The following COMMD1 variants were observed in gnomAD, a reference collection of about 807,000 sequenced individuals.
The protein encoded by COMMD1 is COMM domain-containing protein 1.
In COMMD1, 10 loss-of-function variants were observed where a neutral mutation model predicts 17.2. The observed-to-expected ratio is 0.58, with a 90% CI of 0.36 to 0.99. The LOEUF (loss-of-function observed/expected upper bound fraction) is 0.99. Among genes scored for constraint, COMMD1 ranks in the 50% least tolerant of loss-of-function variants. The pLI is 0.01. For missense variants in COMMD1, 270 were observed against 231.8 expected, an observed-to-expected ratio of 1.17 and a Z score of -1.07; for synonymous variants, 97 against 91.6, an observed-to-expected ratio of 1.06 and a Z score of -0.34.
At chr2:61,905,608 C>T, upstream of COMMD1, 1 of 1,424,756 alleles carries the variant, frequency 7.0e-7, no homozygotes, top group Non-Finnish European at 9.3e-7. Context: ...TTTGCACAGG[C>T]TATTTAGGCA....
At chr2:62,006,700 C>T (rs908899208) in intron 2 of COMMD1, among the ~76,000 whole-genome samples, 5 of 152,178 alleles carry the variant, frequency 3.3e-5, no homozygotes, top group Admixed American at 1.3e-4. Flanking sequence ...CCATAAATCA[C>T]TGTGAGATCT....
chr2:62,019,373 C>A (rs992662482), intron 2 of COMMD1, among the ~76,000 whole-genome samples: 1 of 152,016 alleles, frequency 6.6e-6, no homozygotes, highest in South Asian at 2.1e-4. Flanking sequence ...TGGGGTTTCA[C>A]CATGTTGGCC....
intron 2 of COMMD1, among the ~76,000 whole-genome samples, chr2:62,094,613 G>T (rs1266079173): frequency 1.3e-5 from 2 of 152,086 alleles, no homozygotes; most frequent in African/African-American, 4.8e-5. Flanking sequence ...ATTCAAATTC[G>T]GAAGCAAAAA....
intron 1 of COMMD1, among the ~76,000 whole-genome samples, chr2:62,000,246 T>C (rs1668888469): frequency 6.6e-6 from 1 of 151,220 alleles, no homozygotes; most frequent in Non-Finnish European, 1.5e-5. Flanking sequence ...CTTGATGACC[T>C]TTTATTAAAA....
intron 1 of COMMD1, among the ~76,000 whole-genome samples, chr2:61,974,382 TA>T (rs1671734836): frequency 6.6e-6 from 1 of 151,628 alleles, no homozygotes; most frequent in African/African-American, 2.4e-5. Context: ...TATCTATTAA[TA>T]TTTTTTTTGG....
intron 1 of COMMD1, among the ~76,000 whole-genome samples, chr2:61,998,246 CTTTTTTTTTTTT>C (rs71410912): frequency 2.4e-5 from 3 of 126,484 alleles, no homozygotes; most frequent in Admixed American, 8.1e-5. Context: ...GTTGTGCTTT[CTTTTTTTTTTTT>C]TTTTTTTTGT....
At chr2:61,985,077 G>T (rs375276084) in intron 1 of COMMD1, among the ~76,000 whole-genome samples, 4 of 146,086 alleles carry the variant, frequency 2.7e-5, no homozygotes, top group African/African-American at 7.6e-5. Context: ...TTGAGACGGA[G>T]TCTCGCTCTG....
At chr2:61,898,416 C>T (rs1669594362) in intron 1 of COMMD1, among the ~76,000 whole-genome samples, 1 of 152,130 alleles carries the variant, frequency 6.6e-6, no homozygotes, top group African/African-American at 2.4e-5. Context: ...GTTGGGTTTG[C>T]AGTAAGCTGG....
rs11682421 is a variant in COMMD1, at chr2:61,925,608, G to A, written c.180+19750G>A. Among the ~76,000 whole-genome samples the A allele has an allele frequency of 8.7e-3, 1,319 of 152,212 alleles. 6 individuals carry two copies. Among genetic ancestry groups the A allele is most frequent in the South Asian group, 0.02 (94 of 4,812 alleles). On this transcript the variant is annotated intron_variant, in intron 1 of 2. Coordinates refer to ENST00000311832, the MANE Select transcript of COMMD1 (RefSeq NM_152516.4). ...ATAAGTGAAGTCTGCTGGCTTCACC[G>A]TGGAGCCTAGACAAGGGCTTAGAAA... is the stretch of plus-strand genomic sequence containing the variant.
At chr2:61,896,125 A>C (rs747729147) in intron 1 of COMMD1, among the ~76,000 whole-genome samples, 5 of 152,238 alleles carry the variant, frequency 3.3e-5, no homozygotes, top group Non-Finnish European at 7.3e-5. Context: ...ATGGATAACA[A>C]AGACTCAGGT....
intron 2 of COMMD1, among the ~76,000 whole-genome samples, chr2:62,002,828 G>A (rs898281250): frequency 6.6e-6 from 1 of 151,786 alleles, no homozygotes; most frequent in Non-Finnish European, 1.5e-5. Context: ...TGTACTCCAG[G>A]CTGGGTGGGA....
intron 2 of COMMD1, among the ~76,000 whole-genome samples, chr2:62,040,707 C>G (rs904880361): frequency 6.6e-6 from 1 of 151,966 alleles, no homozygotes; most frequent in Non-Finnish European, 1.5e-5. Flanking sequence ...TCTTTGCCCC[C>G]TTCCCCCCTC....
chr2:61,942,799 A>G (rs1670788731), intron 1 of COMMD1, among the ~76,000 whole-genome samples: 1 of 152,042 alleles, frequency 6.6e-6, no homozygotes, highest in Non-Finnish European at 1.5e-5. Context: ...CAGCCTCCCA[A>G]AGTGCTGGGA....
intron 1 of COMMD1, among the ~76,000 whole-genome samples, chr2:61,921,761 G>T (rs968760571): frequency 6.6e-6 from 1 of 152,072 alleles, no homozygotes; most frequent in Admixed American, 6.6e-5. Flanking sequence ...TATTATTTTG[G>T]GGGAATGGTG....
At chr2:61,904,380 G>A (rs532854935), upstream of COMMD1, among the ~76,000 whole-genome samples, 6 of 152,168 alleles carry the variant, frequency 3.9e-5, no homozygotes, top group Non-Finnish European at 5.9e-5. Context: ...TGTAGAGTGA[G>A]GAAAGAGTGT....
chr2:62,023,376 A>AG (rs1174260609), intron 2 of COMMD1, among the ~76,000 whole-genome samples: 4 of 152,186 alleles, frequency 2.6e-5, no homozygotes, highest in African/African-American at 9.7e-5. Context: ...CAAAACAAAG[A>AG]GAAAAACTGA....
intron 1 of COMMD1, among the ~76,000 whole-genome samples, chr2:61,951,483 T>G (rs1671052953): frequency 6.6e-6 from 1 of 151,936 alleles, no homozygotes; most frequent in African/African-American, 2.4e-5. Context: ...AAAATCTTTC[T>G]GCATCTTCAG....
Position 62,008,289 on chromosome 2 carries a change from G to T in COMMD1, c.462+7307G>T, listed in dbSNP as rs116816219. Among the ~76,000 whole-genome samples the T allele has an allele frequency of 7.1e-3, 1,082 of 152,204 alleles. 13 individuals are homozygous for T. The highest frequency in any genetic ancestry group is 0.025 in the African/African-American group (1,029 of 41,544). On this transcript the variant is annotated intron_variant, in intron 2 of 2. Coordinates refer to ENST00000311832, the MANE Select transcript of COMMD1 (RefSeq NM_152516.4). ...TAGTCACCACAGCTATCTGCTTTGT[G>T]TCATAGGGGAAGCAGCAAAGTTGCG...
At chr2:61,910,238 G>A (rs1278181072) in intron 1 of COMMD1, among the ~76,000 whole-genome samples, 1 of 150,742 alleles carries the variant, frequency 6.6e-6, no homozygotes, top group Non-Finnish European at 1.5e-5. Flanking sequence ...ATAAAAGGCA[G>A]TTGCTAAACA....
Sources: gnomAD v4.1 joint callset for allele counts (sites outside exome capture counted in the v4.1 genomes callset) on GRCh38, gnomAD v4.1.1 for gene constraint, MANE v1.5 for transcripts, NCBI Gene and HGNC (gene_info 2026-07-23, HGNC 2026-07-21) for gene names.